The following SDK2 variants were observed in gnomAD, a reference collection of about 807,000 sequenced individuals.
SDK2 encodes the protein protein sidekick-2.
SDK2 carries 105 observed loss-of-function variants against 253.9 expected under a neutral mutation model. That is an observed-to-expected ratio of 0.41 (90% CI 0.35 to 0.49). The LOEUF (loss-of-function observed/expected upper bound fraction) is 0.49, where lower values mean the gene tolerates loss of function less well. Ranked by LOEUF, SDK2 falls within the 20% of genes least tolerant of loss-of-function variation. SDK2 has a pLI of 0.06. For synonymous variants in SDK2, 1,249 were observed against 1,234.9 expected (o/e 1.01, Z -0.24); for missense variants, 2,608 against 3,003.0 (o/e 0.87, Z 3.07).
At chr17:73,601,013 T>G (rs1231962847) in intron 1 of SDK2, among the ~76,000 whole-genome samples, 1 of 151,376 alleles carries the variant, frequency 6.6e-6, no homozygotes, top group Non-Finnish European at 1.5e-5. Flanking sequence ...TTTTATTATT[T>G]AAAAAAAAAT....
Position 73,368,519 on chromosome 17 carries a change from C to A in SDK2, c.5055G>T (p.Val1685=), listed in dbSNP as rs1568368502. 3.1e-6 allele frequency: 5 copies of A among 1,610,390 alleles called. No individual in the cohort carries two copies. Among genetic ancestry groups the A allele is most frequent in the Non-Finnish European group, 4.2e-6 (5 of 1,178,632 alleles). The change falls in exon 37 of 45, where the codon GTG becomes GTT. Residue 1685 remains valine (V), a synonymous_variant. Coordinates refer to ENST00000392650, the MANE Select transcript of SDK2 (RefSeq NM_001144952.2). ...TGTAGCCAGTCAAGTTCTTGAGCTT[C>A]ACGCTGTTCTCAGCCAGGAAAAGCG... is the stretch of plus-strand genomic sequence containing the variant. ...VKTLFLAENS[V]KLKNLTGYTA... is the part of the protein sequence containing the mutation.
At position 73,357,975 on chromosome 17, in the gene SDK2, C is replaced by A. The variant is rs73343872; in HGVS notation, c.5593+104G>T. On this transcript the variant is annotated intron_variant, in intron 40 of 44. Coordinates refer to ENST00000392650, the MANE Select transcript of SDK2 (RefSeq NM_001144952.2). ...GTGACTTCACCTGTAGTAGCACAAG[C>A]GCCTTCTCAGGCGGAGGACAGAGGC... The A allele has an allele frequency of 6.5e-6, 10 of 1,543,574 alleles. No individual in the cohort carries two copies. The East Asian group carries it at 9.0e-5, about 14-fold the overall frequency.
chr17:73,347,861 C>T (rs959118621), intron 44 of SDK2, among the ~76,000 whole-genome samples: 17 of 152,242 alleles, frequency 1.1e-4, no homozygotes, highest in African/African-American at 2.2e-4. Context: ...CCAGAGGCAC[C>T]GACCCCCTCT....
intron 23 of SDK2, 47 bp downstream of exon 23, chr17:73,398,272 AC>A (rs1233211760): frequency 6.3e-7 from 1 of 1,599,622 alleles, no homozygotes; most frequent in Non-Finnish European, 8.5e-7. Flanking sequence ...GCCCCCACCC[AC>A]CCCCAGCCCT....
At chr17:73,631,589 G>C (rs541597105) in intron 1 of SDK2, among the ~76,000 whole-genome samples, 2 of 152,320 alleles carry the variant, frequency 1.3e-5, no homozygotes, top group East Asian at 1.9e-4. Context: ...CAGGAACCCC[G>C]GGGAACTGGG....
intron 1 of SDK2, among the ~76,000 whole-genome samples, chr17:73,577,706 A>G (rs1260745155): frequency 2.0e-5 from 3 of 151,928 alleles, no homozygotes; most frequent in Non-Finnish European, 2.9e-5. Context: ...CACTAGGTAA[A>G]CCCTTGACTT....
chr17:73,433,667 C>G (rs1439654805), intron 10 of SDK2, 65 bp downstream of exon 10: 1 of 1,254,846 alleles, frequency 8.0e-7, no homozygotes, highest in Non-Finnish European at 1.1e-6. Context: ...GGCTCCAGAG[C>G]CTAGTTCTGA....
chr17:73,368,516 C>T lies in SDK2; in HGVS notation c.5058G>A (p.Lys1686=), dbSNP rs1164941957. 2.5e-6 allele frequency: 4 copies of T among 1,610,656 alleles called. 1 individual carries two copies. The highest frequency in any genetic ancestry group is 1.3e-5 in the African/African-American group (1 of 75,010). Residue 1686 remains lysine, a synonymous_variant, in exon 37 of 45, where the codon AAG becomes AAA. Coordinates refer to ENST00000392650, the MANE Select transcript of SDK2 (RefSeq NM_001144952.2). ...KTLFLAENSV[K]LKNLTGYTAY... is the part of the protein sequence containing the mutation. ...CCGTGTAGCCAGTCAAGTTCTTGAG[C>T]TTCACGCTGTTCTCAGCCAGGAAAA...
chr17:73,585,254 T>C (rs2045588709), intron 1 of SDK2, among the ~76,000 whole-genome samples: 1 of 152,238 alleles, frequency 6.6e-6, no homozygotes, highest in African/African-American at 2.4e-5. Flanking sequence ...TGCACTCTGT[T>C]TCCCCTATGC....
chr17:73,381,778 G>A (rs1197645366), intron 33 of SDK2, among the ~76,000 whole-genome samples: 4 of 152,144 alleles, frequency 2.6e-5, no homozygotes, highest in Admixed American at 6.6e-5. Context: ...AGTGGTGCAC[G>A]CCTGTAGGTC....
At chr17:73,578,720 T>C (rs2045491966) in intron 1 of SDK2, among the ~76,000 whole-genome samples, 1 of 152,086 alleles carries the variant, frequency 6.6e-6, no homozygotes, top group African/African-American at 2.4e-5. Context: ...GGGCCAACAG[T>C]GTGAGAGGCT....
Position 73,481,295 on chromosome 17 carries a change from C to T in SDK2, c.225-9077G>A, listed in dbSNP as rs948857319. ...ACTTGGGCACAGTGTGTTCCCCCCA[C>T]CTTCTAGGGAACCTGAGGGTGGAGA... On this transcript the variant is annotated intron_variant, in intron 2 of 44. Transcript: ENST00000392650. The surrounding 1 kb of genome is among the most constrained non-coding windows in gnomAD (Gnocchi z 4.5). 6.6e-6 allele frequency among the ~76,000 whole-genome samples: 1 copy of T among 152,102 alleles called. No individual in the cohort carries two copies. The highest frequency in any genetic ancestry group is 2.4e-5 in the African/African-American group (1 of 41,414).
At chr17:73,557,801 C>T (rs1158061040) in intron 1 of SDK2, among the ~76,000 whole-genome samples, 1 of 152,130 alleles carries the variant, frequency 6.6e-6, no homozygotes, top group African/African-American at 2.4e-5. Flanking sequence ...ATTTCCTTTC[C>T]CATTAACAGG....
At chr17:73,363,777 G>A (rs763110232) in intron 38 of SDK2, among the ~76,000 whole-genome samples, 3 of 152,112 alleles carry the variant, frequency 2.0e-5, no homozygotes, top group Admixed American at 6.5e-5. Context: ...GACAGGCCAG[G>A]TTGAGGCCCC....
intron 1 of SDK2, among the ~76,000 whole-genome samples, chr17:73,608,821 T>C (rs557484959): frequency 5.3e-5 from 8 of 152,198 alleles, no homozygotes; most frequent in African/African-American, 1.7e-4. Context: ...AGGGAGATCA[T>C]GTCTATTTTT....
At chr17:73,403,059 A>G (rs2063042109) in intron 18 of SDK2, among the ~76,000 whole-genome samples, 1 of 152,168 alleles carries the variant, frequency 6.6e-6, no homozygotes, top group Non-Finnish European at 1.5e-5. Context: ...TCGGCCTCCC[A>G]AAGTGCTGGG....
chr17:73,526,200 G>T (rs2064124076), intron 1 of SDK2, among the ~76,000 whole-genome samples: 1 of 152,212 alleles, frequency 6.6e-6, no homozygotes. Flanking sequence ...AAGGAACGGT[G>T]GCTTCTGGGA....
chr17:73,402,324 C>G (rs944116656), intron 18 of SDK2, among the ~76,000 whole-genome samples, 183 bp from the exon 19 acceptor site: 1 of 152,222 alleles, frequency 6.6e-6, no homozygotes, highest in Non-Finnish European at 1.5e-5. Flanking sequence ...CACTTTGGGG[C>G]GCTTCTCCAC....
chr17:73,533,183 G>A lies in SDK2; in HGVS notation c.65-25586C>T, dbSNP rs549060288. Among the ~76,000 whole-genome samples, 8 of 152,284 alleles carry A rather than the reference G, an allele frequency of 5.3e-5. No homozygotes were observed. In the East Asian group the frequency reaches 7.7e-4, roughly 15 times the overall value. ...AGGTCCCCTCATCGGTATCCCCTTC[G>A]GCTGGTATGTGTTGGCGGGATGTGC... On this transcript the variant is annotated intron_variant, in intron 1 of 44. Transcript: ENST00000392650.
Sources: allele counts gnomAD v4.1 joint callset (sites outside exome capture counted in the v4.1 genomes callset), GRCh38; gene constraint gnomAD v4.1.1; non-coding constraint Gnocchi (gnomAD v3.1); transcripts MANE v1.5; gene names NCBI Gene and HGNC (gene_info 2026-07-23, HGNC 2026-07-21).